The following MEOX2 variants were observed in gnomAD, a reference collection of about 807,000 sequenced individuals.
The protein encoded by MEOX2 is mesenchyme homeobox 2, also known as homeobox protein MOX-2.
In MEOX2, 11 loss-of-function variants were observed where a neutral mutation model predicts 27.0. The observed-to-expected ratio is 0.41, with a 90% CI of 0.26 to 0.68. The LOEUF (loss-of-function observed/expected upper bound fraction) is 0.68, where lower values mean the gene tolerates loss of function less well. Ranked by LOEUF, MEOX2 falls within the 30% of genes least tolerant of loss-of-function variation. The probability of loss-of-function intolerance (pLI) is 0.33; values close to 1 mark genes in which losing one functional copy is unlikely to be tolerated. For missense variants in MEOX2, 436 were observed against 385.4 expected (o/e 1.13, Z -1.10); for synonymous variants, 189 against 155.4 (o/e 1.22, Z -1.61).
intron 1 of MEOX2, among the ~76,000 whole-genome samples, chr7:15,652,249 T>G (rs1268664215): frequency 6.6e-6 from 1 of 152,116 alleles, no homozygotes; most frequent in Non-Finnish European, 1.5e-5. Context: ...TAGGATATTT[T>G]GAGATGCCTC....
Position 15,612,304 on chromosome 7 carries a change from A to G in MEOX2, c.*83T>C. ...AATATTAAACATCACTGCCATAGTCATCTCTCTGTGTAAACGATATTTGGG... is the reference window on the plus strand; with the variant it reads ...AATATTAAACATCACTGCCATAGTCGTCTCTCTGTGTAAACGATATTTGGG... On this transcript the variant is annotated 3_prime_UTR_variant, in exon 3 of 3. Coordinates refer to ENST00000262041, the MANE Select transcript of MEOX2 (RefSeq NM_005924.5). The G allele has an allele frequency of 9.4e-7, 1 of 1,064,838 alleles. No individual in the cohort carries two copies. Among genetic ancestry groups the G allele is most frequent in the Non-Finnish European group, 1.5e-6 (1 of 688,464 alleles). 66.0% of individuals were successfully genotyped at this position (1,064,838 alleles called of 1,614,324 possible).
At chr7:15,653,220 T>G (rs114565761) in intron 1 of MEOX2, among the ~76,000 whole-genome samples, 68 of 152,114 alleles carry the variant, frequency 4.5e-4, no homozygotes, top group African/African-American at 1.6e-3. Context: ...AATTTGCTCT[T>G]TCCAAATAGC....
chr7:15,670,293 G>A (rs1191012978), intron 1 of MEOX2, among the ~76,000 whole-genome samples: 1 of 152,174 alleles, frequency 6.6e-6, no homozygotes, highest in African/African-American at 2.4e-5. Flanking sequence ...TTGGTTGATA[G>A]ATGCAAGAAT....
At chr7:15,653,629 A>G (rs779188522) in intron 1 of MEOX2, among the ~76,000 whole-genome samples, 12 of 152,030 alleles carry the variant, frequency 7.9e-5, no homozygotes, top group Non-Finnish European at 1.5e-4. Flanking sequence ...ATTTACATCC[A>G]TCATTCCTTT....
chr7:15,666,402 A>G (rs536899814), intron 1 of MEOX2, among the ~76,000 whole-genome samples: 1 of 152,266 alleles, frequency 6.6e-6, no homozygotes, highest in East Asian at 1.9e-4. Context: ...TGAAATACAA[A>G]GTTTAGTAAC....
intron 2 of MEOX2, among the ~76,000 whole-genome samples, chr7:15,625,190 T>C (rs1182818881): frequency 6.6e-6 from 1 of 152,182 alleles, no homozygotes; most frequent in Non-Finnish European, 1.5e-5. Context: ...CATCTCTATA[T>C]AAGAACATTA....
intron 1 of MEOX2, among the ~76,000 whole-genome samples, chr7:15,665,041 TCACACACACACACACACA>T (rs35772927): frequency 5.0e-5 from 7 of 141,312 alleles, no homozygotes; most frequent in Admixed American, 1.4e-4. Flanking sequence ...TAAGTGGACA[TCACACACACACACACACA>T]CACACACACA....
chr7:15,662,571 C>T lies in MEOX2; in HGVS notation c.517+23315G>A, dbSNP rs887662394. 5.3e-5 allele frequency among the ~76,000 whole-genome samples: 8 copies of T among 151,794 alleles called. No homozygotes were observed. The East Asian group carries it at 7.8e-4, about 15-fold the overall frequency. On this transcript the variant is annotated intron_variant, in intron 1 of 2. Transcript: ENST00000262041. ...TTAAACATATTTTGTAGTTGCCAGG[C>T]AATATAATTTTTCAAGGTTGAGTAA...
At chr7:15,685,201 G>A (rs1274243990) in intron 1 of MEOX2, among the ~76,000 whole-genome samples, 1 of 152,112 alleles carries the variant, frequency 6.6e-6, no homozygotes, top group Non-Finnish European at 1.5e-5. Context: ...ATTAAGGTTC[G>A]TCTTTCTTCC....
Position 15,669,822 on chromosome 7 carries a change from G to A in MEOX2, c.517+16064C>T, listed in dbSNP as rs564439812. On this transcript the variant is annotated intron_variant, in intron 1 of 2. Transcript: ENST00000262041. Reference sequence around the variant, plus strand: ...CTTGCGATTCTGGAATTCAGACCACGGATTTCTAAAGACTACATCTATTGA... The same window carrying A: ...CTTGCGATTCTGGAATTCAGACCACAGATTTCTAAAGACTACATCTATTGA... Among the ~76,000 whole-genome samples, 5 of 152,260 alleles carry A rather than the reference G, an allele frequency of 3.3e-5. 1 individual carries two copies. Among genetic ancestry groups the A allele is most frequent in the African/African-American group, 1.2e-4 (5 of 41,546 alleles).
chr7:15,672,944 A>G (rs1209498425), intron 1 of MEOX2, among the ~76,000 whole-genome samples: 1 of 152,140 alleles, frequency 6.6e-6, no homozygotes, highest in Non-Finnish European at 1.5e-5. Flanking sequence ...TATCAATTAG[A>G]CACAAACACA....
At chr7:15,682,473 T>C (rs897827485) in intron 1 of MEOX2, among the ~76,000 whole-genome samples, 3 of 151,938 alleles carry the variant, frequency 2.0e-5, no homozygotes, top group Non-Finnish European at 2.9e-5. Context: ...AAATAAAATA[T>C]TTGTAATTTT....
At chr7:15,630,040 C>A (rs1183477547) in intron 1 of MEOX2, among the ~76,000 whole-genome samples, 2 of 152,024 alleles carry the variant, frequency 1.3e-5, no homozygotes, top group African/African-American at 4.8e-5. Context: ...TCTACAACCA[C>A]AAACAAAATG....
intron 1 of MEOX2, among the ~76,000 whole-genome samples, chr7:15,657,829 T>C (rs1037138175): frequency 6.6e-6 from 1 of 152,230 alleles, no homozygotes; most frequent in Non-Finnish European, 1.5e-5. Flanking sequence ...ATGGTACTCT[T>C]ATTTAAACCT....
chr7:15,648,430 T>C (rs956408353), intron 1 of MEOX2, among the ~76,000 whole-genome samples: 3 of 152,102 alleles, frequency 2.0e-5, no homozygotes, highest in Non-Finnish European at 2.9e-5. Flanking sequence ...TCCCAGAGTA[T>C]ACAAAAGAGA....
At chr7:15,677,315 C>G (rs1301814706) in intron 1 of MEOX2, 4 of 152,192 alleles carry the variant, frequency 2.6e-5, no homozygotes, top group Non-Finnish European at 4.4e-5. Context: ...TGTATATTAA[C>G]TCAATTTCCT....
intron 1 of MEOX2, among the ~76,000 whole-genome samples, chr7:15,652,910 G>A (rs544697481): frequency 3.3e-5 from 5 of 152,056 alleles, no homozygotes; most frequent in African/African-American, 1.2e-4. Context: ...TCCAGTTTTT[G>A]TTTATTATGA....
chr7:15,668,708 T>A (rs1782049818), intron 1 of MEOX2, among the ~76,000 whole-genome samples: 1 of 152,100 alleles, frequency 6.6e-6, no homozygotes, highest in Non-Finnish European at 1.5e-5. Flanking sequence ...ACTCCTGATC[T>A]CAGATGATCC....
At chr7:15,631,149 C>G (rs1781395315) in intron 1 of MEOX2, among the ~76,000 whole-genome samples, 1 of 151,430 alleles carries the variant, frequency 6.6e-6, no homozygotes, top group Non-Finnish European at 1.5e-5. Context: ...CATTCTCTTA[C>G]AAAGCAAACC....
Sources: allele counts gnomAD v4.1 joint callset (sites outside exome capture counted in the v4.1 genomes callset), GRCh38; gene constraint gnomAD v4.1.1; transcripts MANE v1.5; gene names NCBI Gene and HGNC (gene_info 2026-07-23, HGNC 2026-07-21).